Variants in CERS3 observed in about 807,000 individuals in gnomAD.
The protein encoded by CERS3 is ceramide synthase 3, also known as LAG1 homolog, ceramide synthase 3.
Under a neutral mutation model 50.3 loss-of-function variants are expected in CERS3, and 33 were observed. The observed-to-expected ratio is 0.66, with a 90% CI of 0.50 to 0.88. The LOEUF is 0.88. Ranked by LOEUF, CERS3 falls within the 40% of genes least tolerant of loss-of-function variation. CERS3 has a pLI of 0.00. For missense variants in CERS3, 470 were observed against 460.3 expected (o/e 1.02, Z -0.19); for synonymous variants, 176 against 155.2 (o/e 1.13, Z -0.99).
chr15:100,403,993 C>G (rs912698143), intron 11 of CERS3, among the ~76,000 whole-genome samples: 1 of 152,154 alleles, frequency 6.6e-6, no homozygotes, highest in African/African-American at 2.4e-5. Context: ...TATGGCATCA[C>G]AAGTGGTCCT....
intron 8 of CERS3, among the ~76,000 whole-genome samples, chr15:100,474,685 G>A (rs1449195482): frequency 6.6e-6 from 1 of 152,264 alleles, no homozygotes; most frequent in Non-Finnish European, 1.5e-5. Context: ...TCACAGGCGT[G>A]AGCCTCTGCG....
intron 3 of CERS3, among the ~76,000 whole-genome samples, chr15:100,496,856 T>C (rs1258438873): frequency 2.6e-5 from 4 of 152,212 alleles, no homozygotes; most frequent in Non-Finnish European, 5.9e-5. Flanking sequence ...CATTTTTATA[T>C]CGATGGAAGT....
upstream of CERS3, among the ~76,000 whole-genome samples, chr15:100,530,086 T>G (rs1182257934): frequency 1.3e-5 from 2 of 152,196 alleles, no homozygotes; most frequent in Non-Finnish European, 2.9e-5. Context: ...TTTTCAGTAA[T>G]GGGCTCATGC....
intron 2 of CERS3, among the ~76,000 whole-genome samples, chr15:100,517,548 A>C (rs2036526100): frequency 6.6e-6 from 1 of 152,196 alleles, no homozygotes; most frequent in Non-Finnish European, 1.5e-5. Context: ...GACCTTGATC[A>C]AGAAGGAATT....
chr15:100,510,399 T>C (rs2036305274), intron 2 of CERS3, among the ~76,000 whole-genome samples: 1 of 152,168 alleles, frequency 6.6e-6, no homozygotes, highest in Non-Finnish European at 1.5e-5. Context: ...ATTATATTAA[T>C]TTAAAGCCTG....
chr15:100,477,974 A>T (rs1437790005), intron 7 of CERS3, among the ~76,000 whole-genome samples: 3 of 152,210 alleles, frequency 2.0e-5, no homozygotes, highest in African/African-American at 7.2e-5. Context: ...TCTGTGAAGG[A>T]AGATAATATC....
At chr15:100,404,199 C>G (rs2030795382) in intron 11 of CERS3, among the ~76,000 whole-genome samples, 1 of 152,172 alleles carries the variant, frequency 6.6e-6, no homozygotes. Flanking sequence ...GATTTTGGCT[C>G]AAAACTAATT....
chr15:100,525,754 C>T (rs567453824), intron 1 of CERS3, among the ~76,000 whole-genome samples: 2 of 152,278 alleles, frequency 1.3e-5, no homozygotes, highest in South Asian at 4.1e-4. Context: ...TAAATTCCAG[C>T]TACAAGGACA....
intron 10 of CERS3, among the ~76,000 whole-genome samples, chr15:100,459,356 C>T (rs926359992): frequency 2.0e-5 from 3 of 152,218 alleles, no homozygotes; most frequent in Admixed American, 6.5e-5. Context: ...AGTGCAGAGG[C>T]ATGATCACAG....
intron 10 of CERS3, among the ~76,000 whole-genome samples, chr15:100,466,816 CCTCT>C (rs1435384431): frequency 3.0e-4 from 4 of 13,236 alleles, no homozygotes; most frequent in Non-Finnish European, 6.6e-4. Flanking sequence ...TCCCTCCCTC[CCTCT>C]CTCCCTCTCT....
intron 4 of CERS3, among the ~76,000 whole-genome samples, chr15:100,488,515 G>A (rs1309340926): frequency 1.3e-5 from 2 of 152,126 alleles, no homozygotes; most frequent in Non-Finnish European, 1.5e-5. Flanking sequence ...AGGTTAATGT[G>A]GTAGGTATGG....
At chr15:100,447,223 G>A (rs964387864) in intron 11 of CERS3, among the ~76,000 whole-genome samples, 9 of 151,984 alleles carry the variant, frequency 5.9e-5, no homozygotes, top group Admixed American at 3.3e-4. Flanking sequence ...ATAAAACCTT[G>A]GTCTCCACAA....
chr15:100,485,671 C>A (rs2035462149), intron 4 of CERS3, among the ~76,000 whole-genome samples: 1 of 152,068 alleles, frequency 6.6e-6, no homozygotes, highest in Non-Finnish European at 1.5e-5. Flanking sequence ...CGAGATCTGC[C>A]TGGCCAATAT....
chr15:100,420,513 A>G (rs1348976344), intron 11 of CERS3, among the ~76,000 whole-genome samples: 4 of 152,040 alleles, frequency 2.6e-5, no homozygotes, highest in Admixed American at 1.3e-4. Flanking sequence ...ACAAGGAGGA[A>G]CTGGTACCAT....
intron 1 of CERS3, among the ~76,000 whole-genome samples, chr15:100,525,556 C>T (rs2036762037): frequency 1.3e-5 from 2 of 152,046 alleles, no homozygotes; most frequent in South Asian, 4.1e-4. Context: ...TAACTGAAGC[C>T]CATTTACAAT....
rs2035232492 is a variant in CERS3, at chr15:100,479,438, T to C, written c.506A>G (p.Tyr169Cys). 3 of 1,604,480 alleles carry C rather than the reference T, an allele frequency of 1.9e-6. No homozygotes were observed. The highest frequency in any genetic ancestry group is 2.5e-6 in the Non-Finnish European group (3 of 1,176,518). Residue 169 changes from tyrosine to cysteine, a missense_variant, in exon 7 of 12, where the codon TAT (tyrosine) becomes TGT (cysteine). Tyr to Cys is a radical substitution (Grantham distance 194, BLOSUM62 -2). Coordinates refer to ENST00000679737, the MANE Select transcript of CERS3 (RefSeq NM_001378789.1). ...TTATAGTGGACTTACCTGTTTGGGA[T>C]AGCCATTCCAAACCTCCCATAAGTC... The part of the protein sequence containing the change: ...LYDLWEVWNG[Y>C]PKQPLLPSQY...
chr15:100,407,933 G>T (rs774520599), intron 11 of CERS3, among the ~76,000 whole-genome samples: 1 of 152,090 alleles, frequency 6.6e-6, no homozygotes, highest in Non-Finnish European at 1.5e-5. Flanking sequence ...GTGCAATGGT[G>T]CAATCTTGGC....
intron 5 of CERS3, among the ~76,000 whole-genome samples, chr15:100,483,886 T>C (rs2142279321): frequency 6.7e-6 from 1 of 149,444 alleles, no homozygotes; most frequent in Middle Eastern, 3.4e-3. Flanking sequence ...GTTCACGCCA[T>C]TCTCCTGCCT....
chr15:100,445,983 A>G (rs1011386744), intron 11 of CERS3, among the ~76,000 whole-genome samples: 1 of 152,172 alleles, frequency 6.6e-6, no homozygotes, highest in Non-Finnish European at 1.5e-5. Flanking sequence ...TCCTGGCTCA[A>G]AAGCTCCCCT....
Sources: allele counts gnomAD v4.1 joint callset (sites outside exome capture counted in the v4.1 genomes callset), GRCh38; gene constraint gnomAD v4.1.1; transcripts MANE v1.5; gene names NCBI Gene and HGNC (gene_info 2026-07-23, HGNC 2026-07-21).